Variants in HEPHL1 observed in about 807,000 individuals in gnomAD.
HEPHL1 encodes ferroxidase HEPHL1.
HEPHL1 carries 123 observed loss-of-function variants against 122.0 expected under a neutral mutation model. The ratio of observed to expected loss-of-function variants is 1.01; its 90% CI spans 0.87 to 1.17. The LOEUF (loss-of-function observed/expected upper bound fraction) is 1.17. Ranked by LOEUF, HEPHL1 falls within the 50% of genes most tolerant of loss-of-function variation. The pLI is 0.00. For synonymous variants in HEPHL1, 527 were observed against 508.9 expected (o/e 1.04, Z -0.48); for missense variants, 1,452 against 1,430.5 (o/e 1.01, Z -0.24).
intron 1 of HEPHL1, among the ~76,000 whole-genome samples, chr11:94,023,404 G>T (rs145572243): frequency 6.6e-6 from 1 of 152,088 alleles, no homozygotes; most frequent in Non-Finnish European, 1.5e-5. Context: ...AAGTTATCTG[G>T]GTTAATTCAA....
intron 1 of HEPHL1, among the ~76,000 whole-genome samples, chr11:94,039,730 A>C (rs1472473165): frequency 6.6e-6 from 1 of 150,514 alleles, no homozygotes; most frequent in African/African-American, 2.5e-5. Flanking sequence ...CAGTGTGTAG[A>C]GGGAAATTTA....
rs1291843531 is a variant in HEPHL1, at chr11:94,088,937, G to A, written c.2263G>A (p.Glu755Lys). The A allele has an allele frequency of 1.2e-6, 2 of 1,613,962 alleles. No individual in the cohort carries two copies. The highest frequency in any genetic ancestry group is 1.1e-5 in the South Asian group (1 of 91,072). The change falls in exon 12 of 20, where the codon GAA (glutamate) becomes AAA (lysine). Residue 755 changes from glutamate (E) to lysine (K), a missense_variant. Coordinates refer to ENST00000315765, the MANE Select transcript of HEPHL1 (RefSeq NM_001098672.2). ...TGCCCCTAACAAAAACTGGGAGTTC[G>A]AAAAGCAGCACGTGGACGCAAGAGG... ...DYAPNKNWEF[E>K]KQHVDARGER...
intron 17 of HEPHL1, among the ~76,000 whole-genome samples, chr11:94,106,714 T>C (rs1202325935): frequency 1.3e-5 from 2 of 152,170 alleles, no homozygotes; most frequent in Non-Finnish European, 2.9e-5. Context: ...GAATATGCTG[T>C]TAATATTGTA....
chr11:94,045,521 T>A (rs1044910658), intron 1 of HEPHL1, among the ~76,000 whole-genome samples, 152 bp from the exon 2 acceptor site: 3 of 152,202 alleles, frequency 2.0e-5, no homozygotes, highest in Admixed American at 1.3e-4. Flanking sequence ...ATTAGTAAAT[T>A]GAGGATAATC....
At chr11:94,067,840 A>C in intron 5 of HEPHL1, 90 bp downstream of exon 5, 1 of 1,162,496 alleles carries the variant, frequency 8.6e-7, no homozygotes, top group Non-Finnish European at 1.2e-6. Flanking sequence ...CTACTGTTAG[A>C]TAGAGCCTTG....
Position 94,050,823 on chromosome 11 carries a change from A to G in HEPHL1, c.415+4906A>G, listed in dbSNP as rs143133066. On this transcript the variant is annotated intron_variant, in intron 2 of 19. Coordinates refer to ENST00000315765, the MANE Select transcript of HEPHL1 (RefSeq NM_001098672.2). ...CCCCACTTCCTCCCACCTTTCCACT[A>G]CCCTTCCTGGCTTCTGGTATCCATC... Among the ~76,000 whole-genome samples the G allele has an allele frequency of 1.9e-3, 294 of 151,850 alleles. 4 individuals are homozygous for G. Among genetic ancestry groups the G allele is most frequent in the African/African-American group, 6.8e-3 (280 of 41,392 alleles).
chr11:94,074,249 C>G (rs758452107), intron 8 of HEPHL1, among the ~76,000 whole-genome samples: 4 of 152,064 alleles, frequency 2.6e-5, no homozygotes, highest in Non-Finnish European at 5.9e-5. Flanking sequence ...GTAACAATTC[C>G]TAAAACCATC....
In HEPHL1 at chr11:94,022,204, A is replaced by C. The variant is rs529030620; in HGVS notation, c.170+666A>C. Among the ~76,000 whole-genome samples the C allele has an allele frequency of 7.7e-4, 117 of 152,256 alleles. 1 individual carries two copies. Among genetic ancestry groups the C allele is most frequent in the African/African-American group, 2.6e-3 (109 of 41,558 alleles). On this transcript the variant is annotated intron_variant, in intron 1 of 19. Coordinates refer to ENST00000315765, the MANE Select transcript of HEPHL1 (RefSeq NM_001098672.2). ...CCTGATTTTTAATTTGGGGCAGAAA[A>C]TAACCCTTTCTCCCTGCCCCCTCCA...
intron 2 of HEPHL1, among the ~76,000 whole-genome samples, chr11:94,049,517 C>T (rs1360263125): frequency 2.0e-5 from 3 of 151,108 alleles, no homozygotes; most frequent in East Asian, 3.9e-4. Flanking sequence ...AAGGAATAAA[C>T]CTTTCATTGA....
At chr11:94,064,295 G>A in intron 3 of HEPHL1, 36 bp from the exon 4 acceptor site, 1 of 1,534,906 alleles carries the variant, frequency 6.5e-7, no homozygotes, top group Non-Finnish European at 8.9e-7. Context: ...TCTTGATTTA[G>A]TTCTTTCTCT....
intron 5 of HEPHL1, among the ~76,000 whole-genome samples, chr11:94,067,983 C>A (rs533341273): frequency 4.6e-5 from 7 of 152,232 alleles, no homozygotes; most frequent in South Asian, 4.2e-4. Flanking sequence ...ATTGATGAGA[C>A]CTTCGAGGAA....
chr11:94,098,864 C>T (rs951250885), intron 13 of HEPHL1, among the ~76,000 whole-genome samples: 2 of 152,192 alleles, frequency 1.3e-5, no homozygotes, highest in Admixed American at 1.3e-4. Flanking sequence ...TCAGCTCTAT[C>T]AGGTCATTTA....
rs1391247032 is a variant in HEPHL1, at chr11:94,074,117, A to G, written c.1504+678A>G. Among the ~76,000 whole-genome samples the G allele has an allele frequency of 2.6e-5, 4 of 151,822 alleles. No homozygotes were observed. The South Asian group carries it at 8.3e-4, about 32-fold the overall frequency. ...CCTGGCTTCCTGGGATACTCTTCAC[A>G]CTCGAGTGTGATGCCAGGCCCAGTT... On this transcript the variant is annotated intron_variant, in intron 8 of 19. Transcript: ENST00000315765.
At chr11:94,046,935 A>G (rs1591468027) in intron 2 of HEPHL1, among the ~76,000 whole-genome samples, 1 of 152,326 alleles carries the variant, frequency 6.6e-6, no homozygotes, top group East Asian at 1.9e-4. Flanking sequence ...TGCAACTCAC[A>G]TTATCATCAA....
chr11:94,081,997 A>G (rs1310950160), intron 9 of HEPHL1, among the ~76,000 whole-genome samples: 1 of 152,206 alleles, frequency 6.6e-6, no homozygotes, highest in Non-Finnish European at 1.5e-5. Flanking sequence ...ACCCTGAGGC[A>G]GGAATGAGGT....
At chr11:94,088,601 C>G (rs1946237072) in intron 11 of HEPHL1, among the ~76,000 whole-genome samples, 154 bp from the exon 12 acceptor site, 4 of 152,118 alleles carry the variant, frequency 2.6e-5, no homozygotes, top group Admixed American at 2.6e-4. Context: ...ATCTATACCC[C>G]CTGGGGTCTG....
chr11:94,082,636 GT>G (rs1384233646), intron 10 of HEPHL1, 68 bp downstream of exon 10: 2 of 1,437,158 alleles, frequency 1.4e-6, no homozygotes, highest in African/African-American at 2.8e-5. Context: ...AATGATTGGT[GT>G]GTTTGAATTA....
chr11:94,050,317 CCTTTACGT>C (rs1945878673), intron 2 of HEPHL1, among the ~76,000 whole-genome samples: 1 of 152,028 alleles, frequency 6.6e-6, no homozygotes, highest in Non-Finnish European at 1.5e-5. Context: ...AGTCTGTATA[CCTTTACGT>C]TTTTTCTTTT....
At chr11:94,109,808 A>T (rs1233644091) in intron 17 of HEPHL1, among the ~76,000 whole-genome samples, 1 of 152,118 alleles carries the variant, frequency 6.6e-6, no homozygotes, top group Admixed American at 6.6e-5. Flanking sequence ...CTCACAAAGC[A>T]TTTGTTTAGT....
Sources: gnomAD v4.1 joint callset for allele counts (sites outside exome capture counted in the v4.1 genomes callset) on GRCh38, gnomAD v4.1.1 for gene constraint, MANE v1.5 for transcripts, NCBI Gene and HGNC (gene_info 2026-07-23, HGNC 2026-07-21) for gene names.